SNX14: variants seen among roughly 807,000 people sequenced by gnomAD.
The protein encoded by SNX14 is sorting nexin 14, also known as sorting nexin-14.
A neutral mutation model predicts 133.8 loss-of-function variants in SNX14; 93 were observed. The ratio of observed to expected loss-of-function variants is 0.70; its 90% CI spans 0.59 to 0.83. The LOEUF is 0.83. SNX14 is among the 40% of genes least tolerant of loss of function. The pLI, the probability that SNX14 is intolerant of heterozygous loss-of-function variation, is 0.00. For missense variants in SNX14, 945 were observed against 1,094.9 expected, an observed-to-expected ratio of 0.86 and a Z score of 1.93; for synonymous variants, 368 against 365.6, an observed-to-expected ratio of 1.01 and a Z score of -0.07.
chr6:85,579,107 C>CAG lies in SNX14; in HGVS notation c.141-4731_141-4730dup, dbSNP rs533267306. Among the ~76,000 whole-genome samples the CAG allele has an allele frequency of 7.2e-5, 11 of 152,078 alleles. No homozygotes were observed. In the East Asian group the frequency reaches 2.1e-3, roughly 29 times the overall value. On this transcript the variant is annotated intron_variant, in intron 1 of 28. Transcript: ENST00000314673. The stretch of plus-strand genomic sequence containing the variant: ...GAGCCGAGATCACGCCACTATACTC[C>CAG]AGCCTGGGTGACAGAATGGGACTCC...
chr6:85,505,610 G>A lies in SNX14; in HGVS notation c.*357C>T, dbSNP rs1037226857. On this transcript the variant is annotated 3_prime_UTR_variant, in exon 29 of 29. Coordinates refer to ENST00000314673, the MANE Select transcript of SNX14 (RefSeq NM_153816.6). ...AAATATATTAACTCTAAGAAAATCA[G>A]ATCTTATTCCTGTTTCTCCATACTA... is the stretch of plus-strand genomic sequence containing the variant. 2.5e-5 allele frequency: 5 copies of A among 200,254 alleles called. No homozygotes were observed. Among genetic ancestry groups the A allele is most frequent in the Admixed American group, 6.1e-5 (1 of 16,334 alleles). 12.4% of individuals were successfully genotyped at this position (200,254 alleles called of 1,614,324 possible). A position where few individuals can be genotyped will look rare whatever the true frequency, so the allele number is the denominator to read the frequency against.
At chr6:85,507,599 A>G (rs1437402330) in intron 27 of SNX14, among the ~76,000 whole-genome samples, 4 of 152,198 alleles carry the variant, frequency 2.6e-5, no homozygotes, top group Non-Finnish European at 5.9e-5. Flanking sequence ...TGAGATCTCA[A>G]CAGAATATAT....
At chr6:85,533,893 A>G (rs1781027102) in intron 17 of SNX14, 93 bp from the exon 18 acceptor site, 2 of 958,790 alleles carry the variant, frequency 2.1e-6, no homozygotes, top group South Asian at 3.5e-5. Flanking sequence ...TGCCCATATC[A>G]ATTGATAATT....
chr6:85,510,004 C>A (rs1293050323), intron 26 of SNX14, among the ~76,000 whole-genome samples: 1 of 152,074 alleles, frequency 6.6e-6, no homozygotes, highest in Non-Finnish European at 1.5e-5. Context: ...TGAATAATAT[C>A]CCATTGTCTA....
At chr6:85,514,664 A>G (rs374863401) in intron 23 of SNX14, 35 bp from the exon 24 acceptor site, 99 of 1,575,872 alleles carry the variant, frequency 6.3e-5, no homozygotes, top group Non-Finnish European at 7.9e-5. Flanking sequence ...AGAGATATAT[A>G]GTTTATTACA....
rs765604541 is a variant in SNX14, at chr6:85,513,946, C to G, written c.2558-51G>C. The G allele has an allele frequency of 5.8e-6, 9 of 1,562,150 alleles. No individual in the cohort carries two copies. The Admixed American group carries it at 1.5e-4, about 26-fold the overall frequency. ...TCTGGAATTTTCATCTATTTATACA[C>G]AAAGGATTTCCTCATAGTAGAAATA... On this transcript the variant is annotated intron_variant, in intron 25 of 28. Transcript: ENST00000314673.
intron 1 of SNX14, 147 bp from the exon 2 acceptor site, chr6:85,574,525 A>T: frequency 1.8e-6 from 1 of 547,130 alleles, no homozygotes; most frequent in Admixed American, 3.4e-5. Flanking sequence ...TTTGTAATGT[A>T]TTAAATACAA....
intron 12 of SNX14, 152 bp from the exon 13 acceptor site, chr6:85,543,912 A>G (rs1784665206): frequency 2.9e-6 from 1 of 339,594 alleles, no homozygotes; most frequent in Non-Finnish European, 5.0e-6. Context: ...TGAGAATAAA[A>G]TAACTACTCA....
At position 85,593,730 on chromosome 6, in the gene SNX14, C is replaced by G. The variant is rs773908947; in HGVS notation, c.-12G>C. On this transcript the variant is annotated 5_prime_UTR_variant, in exon 1 of 29. Transcript: ENST00000314673. ...ACCCAGGGCACCATCTCCGTAACGG[C>G]GAGGCCGAGACTGCGCTACTGGCTG... 6.2e-7 allele frequency: 1 copy of G among 1,613,286 alleles called. No individual in the cohort carries two copies. The highest frequency in any genetic ancestry group is 1.1e-5 in the South Asian group (1 of 91,048).
At chr6:85,542,761 G>GT (rs1784214817) in intron 14 of SNX14, among the ~76,000 whole-genome samples, 1 of 151,774 alleles carries the variant, frequency 6.6e-6, no homozygotes, top group Non-Finnish European at 1.5e-5. Flanking sequence ...CTTAATCTTG[G>GT]TTTTTTTGTT....
intron 6 of SNX14, among the ~76,000 whole-genome samples, chr6:85,563,626 C>T (rs571507061): frequency 1.3e-5 from 2 of 152,236 alleles, no homozygotes; most frequent in East Asian, 3.9e-4. Context: ...CTCCTGACCT[C>T]GAGTGGTCCG....
chr6:85,530,442 C>T (rs1021656793), intron 18 of SNX14, among the ~76,000 whole-genome samples, 167 bp from the exon 19 acceptor site: 4 of 151,996 alleles, frequency 2.6e-5, no homozygotes, highest in Non-Finnish European at 4.4e-5. Context: ...GTCAGGAGTT[C>T]GAGGCCAGTC....
At chr6:85,525,878 A>T (rs189804185) in intron 21 of SNX14, among the ~76,000 whole-genome samples, 4 of 152,282 alleles carry the variant, frequency 2.6e-5, no homozygotes, top group African/African-American at 9.6e-5. Context: ...TAAATTTAAC[A>T]AAATAAATTT....
chr6:85,579,789 T>C (rs1798480737), intron 1 of SNX14, among the ~76,000 whole-genome samples: 1 of 152,214 alleles, frequency 6.6e-6, no homozygotes, highest in Admixed American at 6.5e-5. Flanking sequence ...TCTGAGTTCT[T>C]AAATAAACTT....
At chr6:85,539,586 A>T (rs1782993558) in intron 15 of SNX14, among the ~76,000 whole-genome samples, 1 of 152,218 alleles carries the variant, frequency 6.6e-6, no homozygotes, top group Non-Finnish European at 1.5e-5. Context: ...AAGTCATGTA[A>T]TAGCAAATTA....
chr6:85,572,343 C>T lies in SNX14; in HGVS notation c.293G>A (p.Gly98Asp), dbSNP rs1795902454. 1.2e-6 allele frequency: 2 copies of T among 1,613,300 alleles called. No individual in the cohort carries two copies. Among genetic ancestry groups the T allele is most frequent in the African/African-American group, 1.3e-5 (1 of 74,870 alleles). ...QLGLQELFPQ[G>D]HSCAVCGKVK... Reference sequence around the variant, plus strand: ...TTTACCACAAACAGCACAGCTATGACCTTGAGGAAATAATTCCTGAAGTCC... The same window carrying T: ...TTTACCACAAACAGCACAGCTATGATCTTGAGGAAATAATTCCTGAAGTCC... The change falls in exon 3 of 29, where the codon GGT (glycine) becomes GAT (aspartate). Residue 98 changes from glycine (G) to aspartate (D), a missense_variant. Physicochemically the swap from Gly to Asp is moderately conservative, Grantham distance 94. Around this residue, in one of 3 missense-constraint regions of SNX14, gnomAD observed 514 missense variants for 538.8 expected, o/e 0.95. Coordinates refer to ENST00000314673, the MANE Select transcript of SNX14 (RefSeq NM_153816.6).
At chr6:85,538,563 C>T (rs1173900959) in intron 16 of SNX14, among the ~76,000 whole-genome samples, 8 of 151,974 alleles carry the variant, frequency 5.3e-5, no homozygotes, top group Non-Finnish European at 8.8e-5. Flanking sequence ...AGTCAACAGC[C>T]TTAAAATACA....
intron 2 of SNX14, among the ~76,000 whole-genome samples, chr6:85,573,362 C>T (rs921747602): frequency 2.6e-5 from 4 of 152,196 alleles, no homozygotes; most frequent in African/African-American, 9.7e-5. Context: ...TGCCTGTAAT[C>T]TCAGTTACAT....
chr6:85,557,754 TTAAGAG>T (rs1336403922), intron 7 of SNX14, among the ~76,000 whole-genome samples: 2 of 152,176 alleles, frequency 1.3e-5, no homozygotes, highest in Non-Finnish European at 2.9e-5. Context: ...TCAAAACTGA[TTAAGAG>T]TGTCAGCAGT....
Sources: gnomAD v4.1 joint callset for allele counts (sites outside exome capture counted in the v4.1 genomes callset) on GRCh38, gnomAD v4.1.1 for gene constraint, gnomAD v4.1.1 regional missense constraint, MANE v1.5 for transcripts, NCBI Gene and HGNC (gene_info 2026-07-23, HGNC 2026-07-21) for gene names.